Variants in CNTN4 observed in about 807,000 individuals in gnomAD.
CNTN4 encodes contactin 4.
Under a neutral mutation model 122.5 loss-of-function variants are expected in CNTN4, and 77 were observed. That is an observed-to-expected ratio of 0.63 (90% CI 0.52 to 0.76). The LOEUF (loss-of-function observed/expected upper bound fraction) is 0.76, where lower values mean the gene tolerates loss of function less well. Ranked by LOEUF, CNTN4 falls within the 30% of genes least tolerant of loss-of-function variation. The pLI is 0.00. For synonymous variants in CNTN4, 512 were observed against 447.0 expected, an observed-to-expected ratio of 1.15 and a Z score of -1.83; for missense variants, 1,256 against 1,259.1, an observed-to-expected ratio of 1.00 and a Z score of 0.04.
Position 3,042,401 on chromosome 3 carries a change from A to G in CNTN4, c.2490A>G (p.Arg830=), listed in dbSNP as rs1326251219. 2 of 1,612,330 alleles carry G rather than the reference A, an allele frequency of 1.2e-6. No homozygotes were observed. The highest frequency in any genetic ancestry group is 2.2e-5 in the South Asian group (2 of 91,048). ...VFWASPLEKN[R]GRIQGYEVKY... is the part of the protein sequence containing the mutation. Reference sequence around the variant, plus strand: ...GGGCCTCCCCACTGGAGAAGAATAGAGGACGAATACAAGGTTATGAGGTAG... The same window carrying G: ...GGGCCTCCCCACTGGAGAAGAATAGGGGACGAATACAAGGTTATGAGGTAG... Residue 830 remains arginine, a synonymous_variant, in exon 21 of 25, where the codon AGA becomes AGG. Transcript: ENST00000418658.
intron 7 of CNTN4, among the ~76,000 whole-genome samples, chr3:2,842,114 C>T (rs1021030405): frequency 2.0e-5 from 3 of 152,058 alleles, no homozygotes; most frequent in African/African-American, 7.2e-5. Flanking sequence ...AACATAAGGG[C>T]AACGGAAAGC....
At chr3:2,482,882 CCTCATGGAGAACCTTTG>C (rs2076045280) in intron 3 of CNTN4, among the ~76,000 whole-genome samples, 1 of 152,180 alleles carries the variant, frequency 6.6e-6, no homozygotes, top group Admixed American at 6.5e-5. Context: ...GGGACAAAGC[CCTCATGGAGAACCTTTG>C]CTAGGGTAGT....
At chr3:2,303,840 C>T (rs2042609964) in intron 2 of CNTN4, among the ~76,000 whole-genome samples, 1 of 152,116 alleles carries the variant, frequency 6.6e-6, no homozygotes, top group Non-Finnish European at 1.5e-5. Flanking sequence ...ATAAAGCAAG[C>T]AAATCTGGGT....
chr3:2,563,505 G>A (rs997970176), intron 3 of CNTN4, among the ~76,000 whole-genome samples: 18 of 151,972 alleles, frequency 1.2e-4, no homozygotes, highest in African/African-American at 4.1e-4. Context: ...CAGTTGTTTT[G>A]TACTATATTC....
intron 2 of CNTN4, among the ~76,000 whole-genome samples, chr3:2,170,341 CA>C (rs2036446721): frequency 6.6e-6 from 1 of 151,270 alleles, no homozygotes; most frequent in Non-Finnish European, 1.5e-5. Flanking sequence ...ACAACAACAA[CA>C]AAAAGAGGAA....
At chr3:2,253,366 G>A (rs1358191263) in intron 2 of CNTN4, among the ~76,000 whole-genome samples, 2 of 152,068 alleles carry the variant, frequency 1.3e-5, no homozygotes, top group East Asian at 1.9e-4. Context: ...GGAGTTGATG[G>A]TATGGTATTT....
intron 12 of CNTN4, among the ~76,000 whole-genome samples, chr3:2,915,294 G>C (rs146319341): frequency 1.3e-5 from 2 of 152,280 alleles, no homozygotes; most frequent in East Asian, 3.9e-4. Context: ...TCAAACTCCT[G>C]ACCTCAAGTG....
chr3:2,961,393 T>C (rs2094857723), intron 13 of CNTN4, among the ~76,000 whole-genome samples: 1 of 151,972 alleles, frequency 6.6e-6, no homozygotes, highest in Non-Finnish European at 1.5e-5. Context: ...GTATGTTATG[T>C]GGTGATAGCT....
intron 3 of CNTN4, among the ~76,000 whole-genome samples, chr3:2,340,735 A>AGAGAGAGAGAGAGAGAGG (rs2044178579): frequency 1.1e-5 from 1 of 93,248 alleles, no homozygotes; most frequent in Non-Finnish European, 2.5e-5. Flanking sequence ...AGAGAGAGAG[A>AGAGAGAGAGAGAGAGAGG]GAGAGTCAGA....
At chr3:2,994,517 A>G (rs1695342600) in intron 14 of CNTN4, among the ~76,000 whole-genome samples, 1 of 151,602 alleles carries the variant, frequency 6.6e-6, no homozygotes, top group East Asian at 1.9e-4. Context: ...CATTTAACGG[A>G]TTCCTTTATT....
chr3:2,306,536 A>G (rs1189625348), intron 2 of CNTN4, among the ~76,000 whole-genome samples: 2 of 152,004 alleles, frequency 1.3e-5, no homozygotes, highest in Non-Finnish European at 2.9e-5. Flanking sequence ...TATTCTGGAT[A>G]TATTTTGGCT....
chr3:2,860,074 C>T (rs1158957894), intron 7 of CNTN4, among the ~76,000 whole-genome samples: 2 of 152,160 alleles, frequency 1.3e-5, no homozygotes, highest in African/African-American at 2.4e-5. Context: ...TTGAACAAAG[C>T]GAGTAGTCTC....
chr3:2,769,872 C>G (rs1435008186), intron 6 of CNTN4, among the ~76,000 whole-genome samples: 1 of 152,194 alleles, frequency 6.6e-6, no homozygotes, highest in Non-Finnish European at 1.5e-5. Context: ...TAACTATCTT[C>G]AGGAATCAAT....
intron 2 of CNTN4, among the ~76,000 whole-genome samples, chr3:2,302,901 T>A (rs2042575251): frequency 6.6e-6 from 1 of 152,196 alleles, no homozygotes; most frequent in Non-Finnish European, 1.5e-5. Context: ...TGAATGAAAT[T>A]TCAAAAACCA....
chr3:2,945,855 A>G (rs1445389131), intron 13 of CNTN4, among the ~76,000 whole-genome samples: 1 of 152,212 alleles, frequency 6.6e-6, no homozygotes, highest in African/African-American at 2.4e-5. Flanking sequence ...AGAAAAATAG[A>G]ACCCATTATA....
chr3:2,952,188 A>T (rs1042530157), intron 13 of CNTN4, among the ~76,000 whole-genome samples: 3 of 152,216 alleles, frequency 2.0e-5, no homozygotes, highest in African/African-American at 7.2e-5. Flanking sequence ...AAGCAGCCTT[A>T]TCGAAAGCCT....
intron 13 of CNTN4, among the ~76,000 whole-genome samples, chr3:2,965,516 A>G (rs1355573882): frequency 6.6e-6 from 1 of 152,224 alleles, no homozygotes; most frequent in Non-Finnish European, 1.5e-5. Context: ...AAGTTTAAGT[A>G]GCCACATTTG....
At chr3:2,273,011 C>T (rs1363030231) in intron 2 of CNTN4, among the ~76,000 whole-genome samples, 2 of 152,130 alleles carry the variant, frequency 1.3e-5, no homozygotes, top group African/African-American at 4.8e-5. Flanking sequence ...TCAAAAATAT[C>T]AACATAGGAT....
At chr3:2,966,938 A>G (rs868626656) in intron 13 of CNTN4, among the ~76,000 whole-genome samples, 1 of 152,228 alleles carries the variant, frequency 6.6e-6, no homozygotes, top group Non-Finnish European at 1.5e-5. Context: ...AAGTTCAGCC[A>G]TATTGTAACT....
Sources: gnomAD v4.1 joint callset for allele counts (sites outside exome capture counted in the v4.1 genomes callset) on GRCh38, gnomAD v4.1.1 for gene constraint, MANE v1.5 for transcripts, NCBI Gene and HGNC (gene_info 2026-07-23, HGNC 2026-07-21) for gene names.